The following AUTS2 variants were observed in gnomAD, a reference collection of about 807,000 sequenced individuals.
The protein encoded by AUTS2 is activator of transcription and developmental regulator AUTS2.
AUTS2 carries 17 observed loss-of-function variants against 112.4 expected under a neutral mutation model. That is an observed-to-expected ratio of 0.15 (90% CI 0.10 to 0.23). The LOEUF is 0.23. Among genes scored for constraint, AUTS2 ranks in the 10% least tolerant of loss-of-function variants. The pLI is 1.00. For missense variants in AUTS2, 1,510 were observed against 1,701.6 expected (o/e 0.89, Z 1.98); for synonymous variants, 751 against 702.7 (o/e 1.07, Z -1.09).
intron 4 of AUTS2, among the ~76,000 whole-genome samples, chr7:70,262,182 A>G (rs1262744041): frequency 1.3e-5 from 2 of 151,930 alleles, no homozygotes; most frequent in South Asian, 2.1e-4. Context: ...TTTTAAATGT[A>G]TGTTTCTTTT....
chr7:70,317,857 A>G (rs939364387), intron 4 of AUTS2, among the ~76,000 whole-genome samples: 3 of 152,174 alleles, frequency 2.0e-5, no homozygotes, highest in South Asian at 2.1e-4. Flanking sequence ...TGCTTAGTAC[A>G]ATCTTTTTGG....
intron 5 of AUTS2, among the ~76,000 whole-genome samples, chr7:70,567,754 T>G (rs963040679): frequency 5.3e-5 from 8 of 152,204 alleles, no homozygotes; most frequent in African/African-American, 1.9e-4. Flanking sequence ...TTCAAAGCAC[T>G]TCCTGGTGAT....
intron 4 of AUTS2, among the ~76,000 whole-genome samples, chr7:70,345,432 C>T (rs1477745589): frequency 6.6e-6 from 1 of 152,040 alleles, no homozygotes; most frequent in Non-Finnish European, 1.5e-5. Flanking sequence ...TACCACTTTC[C>T]AACTTTTATA....
intron 2 of AUTS2, among the ~76,000 whole-genome samples, chr7:70,084,083 A>G (rs1374667588): frequency 1.3e-5 from 2 of 152,194 alleles, no homozygotes; most frequent in Admixed American, 6.5e-5. Context: ...CAAACAAAAA[A>G]AACAAAAAAC....
At chr7:70,553,023 G>A (rs1306939551) in intron 5 of AUTS2, among the ~76,000 whole-genome samples, 1 of 152,178 alleles carries the variant, frequency 6.6e-6, no homozygotes, top group African/African-American at 2.4e-5. Flanking sequence ...TCACGAGCCA[G>A]CAGAAGGCCT....
intron 1 of AUTS2, among the ~76,000 whole-genome samples, chr7:69,871,558 C>G (rs947388557): frequency 6.6e-6 from 1 of 152,154 alleles, no homozygotes; most frequent in African/African-American, 2.4e-5. Flanking sequence ...ACTAAAACAA[C>G]AGTTATTAAC....
chr7:70,510,174 A>G (rs1182663161), intron 5 of AUTS2, among the ~76,000 whole-genome samples: 1 of 152,176 alleles, frequency 6.6e-6, no homozygotes, highest in Non-Finnish European at 1.5e-5. Context: ...CCATTCCAGA[A>G]TAGGGTGTGG....
intron 5 of AUTS2, among the ~76,000 whole-genome samples, chr7:70,657,657 C>T (rs1245985630): frequency 2.0e-5 from 3 of 152,162 alleles, no homozygotes; most frequent in Non-Finnish European, 4.4e-5. Flanking sequence ...CTATTTTTTC[C>T]CCTAGCGTCA....
At chr7:69,841,126 T>C (rs1791961547) in intron 1 of AUTS2, among the ~76,000 whole-genome samples, 1 of 152,190 alleles carries the variant, frequency 6.6e-6, no homozygotes, top group South Asian at 2.1e-4. Flanking sequence ...TCACCAACAA[T>C]TTATGCCAAA....
intron 4 of AUTS2, among the ~76,000 whole-genome samples, chr7:70,413,114 C>A (rs1243332243): frequency 1.3e-5 from 2 of 152,240 alleles, no homozygotes; most frequent in African/African-American, 4.8e-5. Flanking sequence ...CTTGTAGGCT[C>A]CTTTGTCTTC....
intron 1 of AUTS2, among the ~76,000 whole-genome samples, chr7:69,745,682 G>A (rs921927926): frequency 1.3e-5 from 2 of 152,132 alleles, no homozygotes; most frequent in African/African-American, 2.4e-5. Context: ...ATATTTTGGA[G>A]CTGTAAATTA....
At chr7:70,089,990 CAGAG>C (rs1803823373) in intron 2 of AUTS2, among the ~76,000 whole-genome samples, 1 of 147,918 alleles carries the variant, frequency 6.8e-6, no homozygotes, top group Non-Finnish European at 1.5e-5. Flanking sequence ...CTGGGAAAGA[CAGAG>C]AGACTGTTTC....
At chr7:70,213,576 CA>C (rs928462734) in intron 4 of AUTS2, among the ~76,000 whole-genome samples, 3 of 151,692 alleles carry the variant, frequency 2.0e-5, no homozygotes, top group African/African-American at 7.2e-5. Flanking sequence ...AAATGCACTT[CA>C]ACTTTGAACA....
At chr7:70,399,219 G>T (rs1006882561) in intron 4 of AUTS2, among the ~76,000 whole-genome samples, 1 of 151,768 alleles carries the variant, frequency 6.6e-6, no homozygotes, top group Non-Finnish European at 1.5e-5. Context: ...CAAACCCCTG[G>T]ATTCAAGCGA....
At chr7:69,739,156 T>TCCCTC (rs1179615813) in intron 1 of AUTS2, among the ~76,000 whole-genome samples, 2 of 152,008 alleles carry the variant, frequency 1.3e-5, no homozygotes, top group African/African-American at 4.8e-5. Flanking sequence ...CACCTTCACT[T>TCCCTC]CCCTCCCCTC....
intron 1 of AUTS2, among the ~76,000 whole-genome samples, chr7:69,758,342 T>C (rs1788027572): frequency 1.3e-5 from 2 of 152,232 alleles, no homozygotes; most frequent in African/African-American, 4.8e-5. Context: ...GTTTTCTTAC[T>C]GTTGCATTCC....
At chr7:70,572,968 T>C (rs1420704325) in intron 5 of AUTS2, among the ~76,000 whole-genome samples, 3 of 152,224 alleles carry the variant, frequency 2.0e-5, no homozygotes, top group African/African-American at 7.2e-5. Flanking sequence ...GGGAAATCAA[T>C]TAAAAAAGGT....
intron 5 of AUTS2, among the ~76,000 whole-genome samples, chr7:70,557,444 T>TA (rs1287683727): frequency 6.6e-6 from 1 of 152,214 alleles, no homozygotes; most frequent in Admixed American, 6.5e-5. Flanking sequence ...GTCATGTTGA[T>TA]ATTCTGGCGG....
intron 6 of AUTS2, among the ~76,000 whole-genome samples, chr7:70,760,811 A>G (rs1789520953): frequency 6.6e-6 from 1 of 152,234 alleles, no homozygotes; most frequent in Admixed American, 6.5e-5. Flanking sequence ...AAGGTTGATA[A>G]GACAGCACTG....
Sources: gnomAD v4.1 joint callset for allele counts (sites outside exome capture counted in the v4.1 genomes callset) on GRCh38, gnomAD v4.1.1 for gene constraint, MANE v1.5 for transcripts, NCBI Gene and HGNC (gene_info 2026-07-23, HGNC 2026-07-21) for gene names.